ZFAND6: variants seen among roughly 807,000 people sequenced by gnomAD.
ZFAND6 encodes zinc finger AN1-type containing 6.
A neutral mutation model predicts 24.5 loss-of-function variants in ZFAND6; 12 were observed. That is an observed-to-expected ratio of 0.49 (90% CI 0.31 to 0.79). ZFAND6 has a LOEUF of 0.79. Ranked by LOEUF, ZFAND6 falls within the 30% of genes least tolerant of loss-of-function variation. The pLI, the probability that ZFAND6 is intolerant of heterozygous loss-of-function variation, is 0.04. For missense variants in ZFAND6, 207 were observed against 245.9 expected (o/e 0.84, Z 1.06); for synonymous variants, 92 against 81.5 (o/e 1.13, Z -0.69).
chr15:80,099,285 C>G (rs2038905117), intron 2 of ZFAND6, among the ~76,000 whole-genome samples: 1 of 151,728 alleles, frequency 6.6e-6, no homozygotes, highest in African/African-American at 2.4e-5. Flanking sequence ...CCGACTTTTT[C>G]TTTATGGATT....
chr15:80,075,764 T>G (rs1175763761), intron 1 of ZFAND6, among the ~76,000 whole-genome samples: 1 of 152,152 alleles, frequency 6.6e-6, no homozygotes, highest in African/African-American at 2.4e-5. Context: ...ATGAACTTGT[T>G]TGACTAAATT....
chr15:80,116,999 T>C (rs897271433), intron 2 of ZFAND6, among the ~76,000 whole-genome samples: 1 of 152,208 alleles, frequency 6.6e-6, no homozygotes, highest in African/African-American at 2.4e-5. Flanking sequence ...CATTGGTTGC[T>C]TAGAAAATAC....
intron 1 of ZFAND6, among the ~76,000 whole-genome samples, chr15:80,094,427 TC>T (rs1191097605): frequency 6.6e-6 from 1 of 152,182 alleles, no homozygotes; most frequent in Non-Finnish European, 1.5e-5. Flanking sequence ...GGCCTGATGA[TC>T]TGAGGTGGAA....
chr15:80,106,121 C>T (rs999703500), intron 2 of ZFAND6, among the ~76,000 whole-genome samples: 3 of 152,084 alleles, frequency 2.0e-5, no homozygotes, highest in Non-Finnish European at 2.9e-5. Flanking sequence ...GTGATAGGTA[C>T]GATAAGTTTA....
At chr15:80,085,109 C>T (rs955942586) in intron 1 of ZFAND6, among the ~76,000 whole-genome samples, 3 of 152,208 alleles carry the variant, frequency 2.0e-5, no homozygotes, top group Admixed American at 1.3e-4. Flanking sequence ...TTCTTCCATA[C>T]GTCATACCAG....
intron 1 of ZFAND6, chr15:80,073,365 TTC>T (rs1483910558): frequency 3.2e-6 from 1 of 310,610 alleles, no homozygotes; most frequent in Non-Finnish European, 6.4e-6. Context: ...AAGTATCTGA[TTC>T]TATTTACATT....
intron 1 of ZFAND6, among the ~76,000 whole-genome samples, chr15:80,065,801 TC>T (rs1158571957): frequency 2.0e-5 from 3 of 152,046 alleles, no homozygotes; most frequent in Non-Finnish European, 1.5e-5. Context: ...CACCTCGGCC[TC>T]CCAAAGTGCT....
intron 1 of ZFAND6, among the ~76,000 whole-genome samples, chr15:80,089,755 C>T (rs572459256): frequency 7.4e-4 from 113 of 152,218 alleles, no homozygotes; most frequent in African/African-American, 2.6e-3. Context: ...CCTACTTGAG[C>T]CCTGGACCTT....
chr15:80,122,997 A>G (rs1449631296), intron 5 of ZFAND6, 197 bp downstream of exon 5: 2 of 486,502 alleles, frequency 4.1e-6, no homozygotes, highest in Non-Finnish European at 7.3e-6. Context: ...TTTTATCATC[A>G]GCATAAATGT....
intron 1 of ZFAND6, among the ~76,000 whole-genome samples, chr15:80,061,070 T>G (rs1008797285): frequency 2.6e-5 from 4 of 152,244 alleles, no homozygotes; most frequent in Admixed American, 6.5e-5. Flanking sequence ...TCACCAATTT[T>G]AAGGCACTTT....
chr15:80,089,269 T>TTTTTTTTTTTTTTTTG (rs2038198325), intron 1 of ZFAND6, among the ~76,000 whole-genome samples: 1 of 137,738 alleles, frequency 7.3e-6, no homozygotes, highest in African/African-American at 2.7e-5. Context: ...GTTTTTTTTT[T>TTTTTTTTTTTTTTTTG]TTTTTTTTTT....
At chr15:80,119,220 G>A (rs187798841) in intron 2 of ZFAND6, among the ~76,000 whole-genome samples, 94 of 152,180 alleles carry the variant, frequency 6.2e-4, no homozygotes, top group African/African-American at 2.1e-3. Flanking sequence ...AATTCCCTCA[G>A]TCCCAGCATC....
rs73489457 is a variant in ZFAND6, at chr15:80,109,288, C to T, written c.-18+10710C>T. ...TCAGTGAACAAAATGGACAAAATCC[C>T]TGCCATTAGGGAGGTAACATTTTAG... On this transcript the variant is annotated intron_variant, in intron 2 of 6. Transcript: ENST00000261749. Among the ~76,000 whole-genome samples the T allele has an allele frequency of 2.6e-3, 400 of 152,204 alleles. 6 individuals are homozygous for T. Among genetic ancestry groups the T allele is most frequent in the African/African-American group, 8.9e-3 (371 of 41,516 alleles).
chr15:80,128,125 A>C (rs2040448545), intron 5 of ZFAND6, among the ~76,000 whole-genome samples: 1 of 152,230 alleles, frequency 6.6e-6, no homozygotes, highest in Non-Finnish European at 1.5e-5. Flanking sequence ...AGAATGTCTA[A>C]AACAGGCTAG....
intron 1 of ZFAND6, among the ~76,000 whole-genome samples, chr15:80,085,788 A>G (rs918635646): frequency 2.6e-5 from 4 of 152,140 alleles, no homozygotes; most frequent in African/African-American, 9.7e-5. Context: ...CTTTACATGT[A>G]TAGTCATGTG....
rs1163740841 is a variant in ZFAND6 at position 80,088,471 on chromosome 15, CAGG to C, written c.-180-9942_-180-9940del. ...ATCCCAGCTACTCAGGAGGCCGAAG[CAGG>C]AGAATTGCTTGAACCCGGGAGACGG... On this transcript the variant is annotated intron_variant, in intron 1 of 6. Coordinates refer to ENST00000261749, the MANE Select transcript of ZFAND6 (RefSeq NM_019006.4). Among the ~76,000 whole-genome samples the C allele has an allele frequency of 1.2e-4, 19 of 152,252 alleles. No individual in the cohort carries two copies. The East Asian group carries it at 1.9e-3, about 15-fold the overall frequency.
At chr15:80,136,023 G>T (rs946298062) in intron 6 of ZFAND6, among the ~76,000 whole-genome samples, 2 of 152,096 alleles carry the variant, frequency 1.3e-5, no homozygotes, top group African/African-American at 4.8e-5. Context: ...CTACTCAGAA[G>T]GCTGAGGTGG....
intron 5 of ZFAND6, among the ~76,000 whole-genome samples, chr15:80,127,536 G>A (rs866598595): frequency 6.8e-6 from 1 of 147,412 alleles, no homozygotes; most frequent in Non-Finnish European, 1.5e-5. Context: ...GTTGCAGTGA[G>A]CTGAGATTGT....
At chr15:80,135,681 A>T (rs918389344) in intron 6 of ZFAND6, among the ~76,000 whole-genome samples, 1 of 152,224 alleles carries the variant, frequency 6.6e-6, no homozygotes, top group Non-Finnish European at 1.5e-5. Flanking sequence ...CACACCTATA[A>T]TCCCAGCACT....
Sources: allele counts gnomAD v4.1 joint callset (sites outside exome capture counted in the v4.1 genomes callset), GRCh38; gene constraint gnomAD v4.1.1; transcripts MANE v1.5; gene names NCBI Gene and HGNC (gene_info 2026-07-23, HGNC 2026-07-21).